Variants in SMG6 observed in about 807,000 individuals in gnomAD.
The protein encoded by SMG6 is SMG6 nonsense mediated mRNA decay factor.
A neutral mutation model predicts 142.2 loss-of-function variants in SMG6; 66 were observed. The ratio of observed to expected loss-of-function variants is 0.46; its 90% CI spans 0.38 to 0.57. The LOEUF (loss-of-function observed/expected upper bound fraction) is 0.57, where lower values mean the gene tolerates loss of function less well. SMG6 is among the 20% of genes least tolerant of loss of function. SMG6 has a pLI of 0.00. For missense variants in SMG6, 1,793 were observed against 1,832.0 expected (o/e 0.98, Z 0.39); for synonymous variants, 779 against 702.4 (o/e 1.11, Z -1.72).
chr17:2,125,722 G>A (rs947169038), intron 13 of SMG6, among the ~76,000 whole-genome samples: 1 of 152,206 alleles, frequency 6.6e-6, no homozygotes, highest in African/African-American at 2.4e-5. Flanking sequence ...GGAGGCCAAA[G>A]CGGGCAGATT....
Position 2,299,004 on chromosome 17 carries a change from C to T in SMG6, c.1749G>A (p.Arg583=). 6.2e-7 allele frequency: 1 copy of T among 1,614,156 alleles called. No individual in the cohort carries two copies. The highest frequency in any genetic ancestry group is 8.5e-7 in the Non-Finnish European group (1 of 1,180,028). ...MRNLQQQELH[R]LLRVADNQEL... ...CCTGGTTGTCAGCCACCCGGAGAAG[C>T]CTGTGCAGCTCCTGTTGCTGCAGGT... Residue 583 remains arginine, a synonymous_variant, in exon 2 of 19, where the codon AGG becomes AGA. Transcript: ENST00000263073. This position sits in a 1 kb window ranked among gnomAD's most constrained non-coding sequence, Gnocchi z 4.3.
chr17:2,114,965 G>A (rs1225268646), intron 13 of SMG6, among the ~76,000 whole-genome samples: 1,062 of 59,660 alleles, frequency 0.018, no homozygotes, highest in Middle Eastern at 0.045. Context: ...AAAATGAAAT[G>A]AAATGAAATA....
At chr17:2,121,646 T>TAG (rs1191636508) in intron 13 of SMG6, among the ~76,000 whole-genome samples, 4 of 104,310 alleles carry the variant, frequency 3.8e-5, no homozygotes, top group East Asian at 3.0e-4. Flanking sequence ...TGTGTGTGTG[T>TAG]AGAGAGAGAG....
chr17:2,164,835 G>A (rs574017032), intron 13 of SMG6, among the ~76,000 whole-genome samples: 12 of 152,032 alleles, frequency 7.9e-5, no homozygotes, highest in African/African-American at 2.9e-4. Flanking sequence ...TACTCCGGAG[G>A]CTGAGGCAGG....
At chr17:2,220,874 T>G (rs1321423229) in intron 10 of SMG6, among the ~76,000 whole-genome samples, 1 of 152,230 alleles carries the variant, frequency 6.6e-6, no homozygotes, top group East Asian at 1.9e-4. Context: ...TGCCAGAAGT[T>G]GGTTTCTACT....
Position 2,071,457 on chromosome 17 carries a change from C to A in SMG6, c.3682-2526G>T, listed in dbSNP as rs2068097517. Among the ~76,000 whole-genome samples the A allele has an allele frequency of 6.6e-6, 1 of 152,194 alleles. No individual in the cohort carries two copies. The highest frequency in any genetic ancestry group is 2.1e-4 in the South Asian group (1 of 4,826). On this transcript the variant is annotated intron_variant, in intron 15 of 18. Coordinates refer to ENST00000263073, the MANE Select transcript of SMG6 (RefSeq NM_017575.5). The surrounding 1 kb of genome is among the most constrained non-coding windows in gnomAD (Gnocchi z 5.6). ...GCGAGGTCCAGAGACGCTCTAAATTCCCCGGGTTCTTAGCTCTGGCTTGCA... is the reference window on the plus strand; with the variant it reads ...GCGAGGTCCAGAGACGCTCTAAATTACCCGGGTTCTTAGCTCTGGCTTGCA...
intron 8 of SMG6, among the ~76,000 whole-genome samples, chr17:2,257,759 T>C (rs1214822534): frequency 1.3e-5 from 2 of 151,886 alleles, no homozygotes; most frequent in Non-Finnish European, 2.9e-5. Flanking sequence ...TGGCTCATGC[T>C]TGTAATCCCA....
At chr17:2,188,294 G>A in intron 11 of SMG6, 105 bp downstream of exon 11, 2 of 865,418 alleles carry the variant, frequency 2.3e-6, no homozygotes, top group Admixed American at 2.2e-5. Context: ...GAGGAAGAAT[G>A]GAGACTACAG....
intron 8 of SMG6, among the ~76,000 whole-genome samples, chr17:2,273,714 T>C (rs1429361435): frequency 6.6e-6 from 1 of 152,070 alleles, no homozygotes; most frequent in Non-Finnish European, 1.5e-5. Flanking sequence ...CAAGAATCGC[T>C]TGAGCCTGGG....
intron 13 of SMG6, among the ~76,000 whole-genome samples, chr17:2,161,663 A>G (rs2071183657): frequency 6.6e-6 from 1 of 152,020 alleles, no homozygotes; most frequent in South Asian, 2.1e-4. Context: ...TGATGTAGAT[A>G]AGACTACATA....
chr17:2,069,782 G>T (rs2068049864), intron 15 of SMG6, among the ~76,000 whole-genome samples: 1 of 152,148 alleles, frequency 6.6e-6, no homozygotes, highest in Non-Finnish European at 1.5e-5. Context: ...GATCACAATG[G>T]CCCACCACCT....
At chr17:2,173,931 C>T (rs532379558) in intron 12 of SMG6, among the ~76,000 whole-genome samples, 2 of 139,954 alleles carry the variant, frequency 1.4e-5, no homozygotes, top group African/African-American at 5.3e-5. Flanking sequence ...AGGCTACAGA[C>T]TTGGCTTTCT....
chr17:2,237,088 A>AT (rs1567708085), intron 9 of SMG6: 81 of 143,024 alleles, frequency 5.7e-4, no homozygotes, highest in Admixed American at 9.7e-4. Context: ...AAAAAAAAAA[A>AT]ATTTTTTTTT....
intron 8 of SMG6, chr17:2,255,681 G>GT (rs1245345293): frequency 5.7e-6 from 1 of 175,058 alleles, no homozygotes; most frequent in African/African-American, 2.4e-5. Flanking sequence ...CGTCTGGGAG[G>GT]TGTACCCAAC....
chr17:2,259,403 A>G (rs1277939271), intron 8 of SMG6, among the ~76,000 whole-genome samples: 2 of 152,190 alleles, frequency 1.3e-5, no homozygotes, highest in Non-Finnish European at 1.5e-5. Flanking sequence ...AGCCTGATGA[A>G]TAAGGAAAGA....
At chr17:2,117,653 A>T (rs1222805072) in intron 13 of SMG6, 1 of 152,252 alleles carries the variant, frequency 6.6e-6, no homozygotes, top group African/African-American at 2.4e-5. Flanking sequence ...GGCTAGCTAT[A>T]CTATGTTCAT....
intron 13 of SMG6, among the ~76,000 whole-genome samples, chr17:2,122,153 G>A (rs1005819252): frequency 6.6e-6 from 1 of 152,090 alleles, no homozygotes; most frequent in Admixed American, 6.6e-5. Context: ...ATGGATGGAT[G>A]GGTGGATAGA....
At chr17:2,120,101 C>T (rs2069640495) in intron 13 of SMG6, among the ~76,000 whole-genome samples, 1 of 152,268 alleles carries the variant, frequency 6.6e-6, no homozygotes. Flanking sequence ...AGCCACCGCG[C>T]CCGGCCTCCA....
chr17:2,088,942 G>C (rs539695629), intron 13 of SMG6, among the ~76,000 whole-genome samples: 8 of 152,286 alleles, frequency 5.3e-5, no homozygotes, highest in East Asian at 1.9e-4. Flanking sequence ...TCCAGCACTT[G>C]AGTCAGGGAA....
Sources: gnomAD v4.1 joint callset for allele counts (sites outside exome capture counted in the v4.1 genomes callset) on GRCh38, gnomAD v4.1.1 for gene constraint, Gnocchi (gnomAD v3.1) non-coding constraint, MANE v1.5 for transcripts, NCBI Gene and HGNC (gene_info 2026-07-23, HGNC 2026-07-21) for gene names.